Variants in UBR3 observed in about 807,000 individuals in gnomAD.
UBR3 encodes the protein E3 ubiquitin-protein ligase UBR3.
A neutral mutation model predicts 243.2 loss-of-function variants in UBR3; 85 were observed. The ratio of observed to expected loss-of-function variants is 0.35; its 90% CI spans 0.29 to 0.42. The LOEUF is 0.42. UBR3 is among the 10% of genes least tolerant of loss of function. The pLI, the probability that UBR3 is intolerant of heterozygous loss-of-function variation, is 1.00. For synonymous variants in UBR3, 748 were observed against 799.8 expected (o/e 0.94, Z 1.09); for missense variants, 1,686 against 2,300.8 (o/e 0.73, Z 5.47).
At chr2:170,044,330 G>T (rs1477497015) in intron 32 of UBR3, among the ~76,000 whole-genome samples, 1 of 152,136 alleles carries the variant, frequency 6.6e-6, no homozygotes, top group Non-Finnish European at 1.5e-5. Flanking sequence ...AAAAATAGAT[G>T]GATGCAGAAA....
Position 169,827,718 on chromosome 2 carries a change from G to A in UBR3, c.211G>A (p.Gly71Ser). 2.4e-6 allele frequency: 3 copies of A among 1,229,800 alleles called. No homozygotes were observed. The highest frequency in any genetic ancestry group is 4.1e-5 in the South Asian group (1 of 24,532). The allele number at this position is 1,229,800 out of a possible 1,614,324, so 76.2% of individuals were successfully genotyped here. Reference protein sequence around the residue: ...AERPLAAAAGGEDAAAAGGGG... With the variant: ...AERPLAAAAGSEDAAAAGGGG... ...GCGGCCGCTGGCCGCGGCTGCCGGC[G>A]GCGAGGACGCGGCGGCGGCCGGAGG... Residue 71 changes from glycine to serine, a missense_variant, in exon 1 of 39, where the codon GGC (glycine) becomes AGC (serine). This residue lies in a region of UBR3 where 145 missense variants were observed against 243.8 expected (regional missense o/e 0.59). Transcript: ENST00000272793.
At chr2:169,898,036 TA>T (rs1254723393) in intron 8 of UBR3, among the ~76,000 whole-genome samples, 2 of 152,224 alleles carry the variant, frequency 1.3e-5, no homozygotes, top group Admixed American at 1.3e-4. Flanking sequence ...GAACTCTTAC[TA>T]TTCTTAACCT....
chr2:169,988,468 A>G (rs1044620435), intron 25 of UBR3, among the ~76,000 whole-genome samples: 1 of 152,174 alleles, frequency 6.6e-6, no homozygotes, highest in African/African-American at 2.4e-5. Flanking sequence ...ATTCCACTAT[A>G]CTGTAGCTGC....
At position 169,949,686 on chromosome 2, in the gene UBR3, G is replaced by A; in HGVS notation, c.3166G>A (p.Glu1056Lys). The A allele has an allele frequency of 1.3e-6, 2 of 1,551,568 alleles. No homozygotes were observed. Among genetic ancestry groups the A allele is most frequent in the Non-Finnish European group, 1.7e-6 (2 of 1,146,728 alleles). ...FQEIINRSSS[E>K]ANQVVRPKTS... ...GGAAATCATCAATCGCAGTAGCAGT[G>A]AAGCAAATCAGGTGGTTCGTCCCAA... The change falls in exon 23 of 39, where the codon GAA (glutamate) becomes AAA (lysine). Residue 1056 changes from glutamate to lysine, a missense_variant. Physicochemically the swap from Glu to Lys is moderately conservative, Grantham distance 56. This residue lies in a region of UBR3 where 300 missense variants were observed against 314.4 expected (regional missense o/e 0.95). Transcript: ENST00000272793.
chr2:170,045,010 A>G (rs570647963), intron 32 of UBR3, among the ~76,000 whole-genome samples: 9 of 152,326 alleles, frequency 5.9e-5, no homozygotes, highest in Non-Finnish European at 7.3e-5. Flanking sequence ...ACATAAAATC[A>G]TCATCCTTTA....
At chr2:169,920,028 C>T (rs778638905) in intron 11 of UBR3, among the ~76,000 whole-genome samples, 50 of 152,248 alleles carry the variant, frequency 3.3e-4, no homozygotes, top group Non-Finnish European at 6.3e-4. Context: ...TATAGCGGCA[C>T]TATTCACAAT....
chr2:169,923,998 A>C lies in UBR3; in HGVS notation c.1932+4A>C. 1 of 1,539,404 alleles carries C rather than the reference A, an allele frequency of 6.5e-7. No homozygotes were observed. Among genetic ancestry groups the C allele is most frequent in the Admixed American group, 2.1e-5 (1 of 48,060 alleles). On this transcript the variant is annotated splice_donor_region_variant and intron_variant, in intron 12 of 38. Coordinates refer to ENST00000272793, the MANE Select transcript of UBR3 (RefSeq NM_172070.4). The stretch of plus-strand genomic sequence containing the variant: ...CTATGCTATGTTTTTGAGTAAGGTA[A>C]GACTGTCATTAAACAATTCTGTTCT...
At chr2:169,882,691 T>C (rs1376561575) in intron 5 of UBR3, among the ~76,000 whole-genome samples, 2 of 151,286 alleles carry the variant, frequency 1.3e-5, no homozygotes, top group African/African-American at 2.4e-5. Flanking sequence ...AGAGCTGAGA[T>C]TGCACCACTG....
chr2:169,947,711 T>C lies in UBR3; in HGVS notation c.3080T>C (p.Leu1027Ser). 1 of 1,478,954 alleles carries C rather than the reference T, an allele frequency of 6.8e-7. No individual in the cohort carries two copies. The highest frequency in any genetic ancestry group is 9.0e-7 in the Non-Finnish European group (1 of 1,114,984). 91.6% of individuals were successfully genotyped at this position (1,478,954 alleles called of 1,614,324 possible). A position where few individuals can be genotyped will look rare whatever the true frequency, so the allele number is the denominator to read the frequency against. The change falls in exon 22 of 39, where the codon TTA (leucine) becomes TCA (serine). Residue 1027 changes from leucine (L) to serine (S), a missense_variant. By Grantham distance (145) the Leu-to-Ser change is moderately radical (BLOSUM62 -2). Around this residue, in one of 8 missense-constraint regions of UBR3, gnomAD observed 300 missense variants for 314.4 expected, o/e 0.95. Coordinates refer to ENST00000272793, the MANE Select transcript of UBR3 (RefSeq NM_172070.4). Reference protein sequence around the residue: ...ASTSSDNLGSLQNSGTAQVFS... With the variant: ...ASTSSDNLGSSQNSGTAQVFS... ...ACTAGCTCTGATAACTTGGGTTCTT[T>C]ACAAGTAAGTGTAAATGTAAGAAAG...
intron 30 of UBR3, among the ~76,000 whole-genome samples, chr2:170,017,798 A>C (rs1166777172): frequency 6.6e-6 from 1 of 152,214 alleles, no homozygotes; most frequent in Non-Finnish European, 1.5e-5. Context: ...GTAAAAAGTT[A>C]CTCAAATTAG....
At chr2:169,870,057 GT>G (rs2083386788) in intron 1 of UBR3, among the ~76,000 whole-genome samples, 2 of 151,960 alleles carry the variant, frequency 1.3e-5, no homozygotes, top group Non-Finnish European at 2.9e-5. Context: ...CTGAGATAAT[GT>G]AGGAAAATAG....
chr2:169,968,358 C>T (rs1448562171), intron 24 of UBR3, among the ~76,000 whole-genome samples: 1 of 152,192 alleles, frequency 6.6e-6, no homozygotes, highest in African/African-American at 2.4e-5. Flanking sequence ...TCCTCCCCAA[C>T]CCTTCCCAGC....
At chr2:169,855,867 C>T (rs367543298) in intron 1 of UBR3, among the ~76,000 whole-genome samples, 1 of 152,266 alleles carries the variant, frequency 6.6e-6, no homozygotes, top group South Asian at 2.1e-4. Context: ...GTTGGGTACA[C>T]CTCCCAGACG....
At chr2:169,980,640 A>G (rs1427459791) in intron 24 of UBR3, among the ~76,000 whole-genome samples, 1 of 151,516 alleles carries the variant, frequency 6.6e-6, no homozygotes, top group African/African-American at 2.4e-5. Context: ...ATTATACTTT[A>G]AGTTTTAGGG....
intron 1 of UBR3, among the ~76,000 whole-genome samples, chr2:169,863,201 G>A (rs1052221791): frequency 2.6e-5 from 4 of 152,236 alleles, no homozygotes; most frequent in African/African-American, 9.6e-5. Context: ...CCACAGTCCA[G>A]GAGATTTACT....
intron 35 of UBR3, among the ~76,000 whole-genome samples, chr2:170,072,863 C>G (rs998487304): frequency 7.2e-5 from 11 of 152,086 alleles, no homozygotes; most frequent in Admixed American, 2.0e-4. Flanking sequence ...TAAATATCAA[C>G]TTTTAAGATA....
chr2:169,949,846 C>G lies in UBR3; in HGVS notation c.3326C>G (p.Pro1109Arg). ...KLSGKQNSYY[P>R]PWLDDIEILI... is the part of the protein sequence containing the mutation. ...TCAGGAAAACAAAACTCCTACTATC[C>G]TCCTTGGCTTGATGACATAGAAATT... Residue 1109 changes from proline (P) to arginine (R), a missense_variant, in exon 23 of 39, where the codon CCT becomes CGT. Transcript: ENST00000272793. 2 of 1,576,918 alleles carry G rather than the reference C, an allele frequency of 1.3e-6. No individual in the cohort carries two copies. The highest frequency in any genetic ancestry group is 1.7e-6 in the Non-Finnish European group (2 of 1,159,386).
chr2:170,020,271 T>C (rs2090354850), intron 30 of UBR3, among the ~76,000 whole-genome samples: 1 of 152,148 alleles, frequency 6.6e-6, no homozygotes, highest in Non-Finnish European at 1.5e-5. Context: ...ATTATAATGG[T>C]CAAAAGGTAT....
chr2:169,845,522 G>A (rs1175856554), intron 1 of UBR3, among the ~76,000 whole-genome samples: 6 of 128,700 alleles, frequency 4.7e-5, no homozygotes, highest in Admixed American at 8.5e-5. Context: ...CGTCGTCGTC[G>A]TCGTCGTCGT....
Sources: allele counts gnomAD v4.1 joint callset (sites outside exome capture counted in the v4.1 genomes callset), GRCh38; gene constraint gnomAD v4.1.1; regional missense constraint gnomAD v4.1.1; transcripts MANE v1.5; gene names NCBI Gene and HGNC (gene_info 2026-07-23, HGNC 2026-07-21).